Variants in EIF3A observed in about 807,000 individuals in gnomAD.
The protein encoded by EIF3A is EIF3, p180 subunit.
Under a neutral mutation model 186.6 loss-of-function variants are expected in EIF3A, and 21 were observed. The observed-to-expected ratio is 0.11, with a 90% confidence interval of 0.08 to 0.16. The LOEUF is 0.16. Among genes scored for constraint, EIF3A ranks in the 10% least tolerant of loss-of-function variants. The pLI is 1.00. For missense variants in EIF3A, 1,306 were observed against 1,796.3 expected, an observed-to-expected ratio of 0.73 and a Z score of 4.93; for synonymous variants, 563 against 584.3, an observed-to-expected ratio of 0.96 and a Z score of 0.52.
intron 4 of EIF3A, among the ~76,000 whole-genome samples, chr10:119,071,869 C>T: frequency 6.6e-6 from 1 of 151,082 alleles, no homozygotes; most frequent in East Asian, 2.0e-4. Context: ...ACTAAAAATA[C>T]AAAAAATTAG....
intron 7 of EIF3A, among the ~76,000 whole-genome samples, chr10:119,063,836 A>C (rs1167276060): frequency 6.6e-6 from 1 of 152,218 alleles, no homozygotes; most frequent in Non-Finnish European, 1.5e-5. Flanking sequence ...TAATCCCAGC[A>C]CTTAGGGAAG....
Position 119,036,028 on chromosome 10 carries a change from T to C in EIF3A, c.*11A>G, listed in dbSNP as rs1564747071. 2 of 1,600,560 alleles carry C rather than the reference T, an allele frequency of 1.2e-6. No homozygotes were observed. The highest frequency in any genetic ancestry group is 1.7e-6 in the Non-Finnish European group (2 of 1,167,648). On this transcript the variant is annotated 3_prime_UTR_variant, in exon 22 of 22. Transcript: ENST00000369144. ...ATTTAAGACACCAGTTTAAATCCAT[T>C]ATCTTGAGACTTAACGTCGTACTGT...
At chr10:119,054,435 C>T (rs777359219) in intron 14 of EIF3A, among the ~76,000 whole-genome samples, 1 of 151,836 alleles carries the variant, frequency 6.6e-6, no homozygotes, top group African/African-American at 2.4e-5. Context: ...CTCTTCCGGG[C>T]CAGGCACGGT....
At chr10:119,069,860 A>G (rs1452920735) in intron 5 of EIF3A, among the ~76,000 whole-genome samples, 3 of 152,242 alleles carry the variant, frequency 2.0e-5, no homozygotes, top group Non-Finnish European at 4.4e-5. Context: ...AAAGTTCTTT[A>G]GGAAATAATG....
At chr10:119,066,505 C>CAAAAAA (rs71016533) in intron 6 of EIF3A, among the ~76,000 whole-genome samples, 6 of 47,498 alleles carry the variant, frequency 1.3e-4, no homozygotes, top group African/African-American at 6.0e-4. Context: ...TTAAGACTGT[C>CAAAAAA]AAAAAAAAAA....
In EIF3A at chr10:119,070,925, A is replaced by T; in HGVS notation, c.702T>A (p.Leu234=). Residue 234 remains leucine (L), a synonymous_variant, in exon 5 of 22, where the codon CTT becomes CTA. Coordinates refer to ENST00000369144, the MANE Select transcript of EIF3A (RefSeq NM_003750.4). ...ESQSMHLETR[L]VQLDSAISME... is the part of the protein sequence containing the mutation. ...TGCTGATAGCACTGTCCAGCTGAAC[A>T]AGTCTGGTTTCCAAATGCATGGACT... 6.2e-7 allele frequency: 1 copy of T among 1,614,050 alleles called. No individual in the cohort carries two copies. Among genetic ancestry groups the T allele is most frequent in the Non-Finnish European group, 8.5e-7 (1 of 1,179,884 alleles).
intron 1 of EIF3A, among the ~76,000 whole-genome samples, chr10:119,076,559 T>C (rs535640221): frequency 1.6e-3 from 239 of 149,556 alleles, no homozygotes; most frequent in Non-Finnish European, 2.9e-3. Flanking sequence ...AAGCCTTTCC[T>C]TGTTGTCAGG....
chr10:119,062,026 G>A (rs1843896291), intron 7 of EIF3A, among the ~76,000 whole-genome samples: 1 of 152,124 alleles, frequency 6.6e-6, no homozygotes, highest in Non-Finnish European at 1.5e-5. Flanking sequence ...AGCAAGGAGG[G>A]CACCCACACA....
At chr10:119,063,588 T>G (rs1254946065) in intron 7 of EIF3A, among the ~76,000 whole-genome samples, 2 of 152,198 alleles carry the variant, frequency 1.3e-5, no homozygotes, top group Non-Finnish European at 2.9e-5. Flanking sequence ...TACAGCCAAG[T>G]ACTTATCCCT....
Position 119,077,466 on chromosome 10 carries a change from T to C in EIF3A, c.49+3162A>G, listed in dbSNP as rs150762664. On this transcript the variant is annotated intron_variant, in intron 1 of 21. Transcript: ENST00000369144. ...ATTCTGTCTCAAATAAATAAATAAA[T>C]AGTTGGAATGGGAACAGATTTTTCA... Among the ~76,000 whole-genome samples the C allele has an allele frequency of 4.7e-3, 720 of 151,828 alleles. 6 individuals are homozygous for C. The highest frequency in any genetic ancestry group is 0.016 in the African/African-American group (675 of 41,402).
In EIF3A at chr10:119,037,006, ACT is replaced by A. The variant is rs974939026; in HGVS notation, c.3919+111_3919+112del. 5 of 741,298 alleles carry A rather than the reference ACT, an allele frequency of 6.7e-6. No individual in the cohort carries two copies. In the Admixed American group the frequency reaches 6.8e-5, roughly 10 times the overall value. The allele number at this position is 741,298 out of a possible 1,614,324, so 45.9% of individuals were successfully genotyped here. On this transcript the variant is annotated intron_variant, in intron 21 of 21. Transcript: ENST00000369144. ...ATCATGAATTCTAAATAGAATATCA[ACT>A]CTCTTATTGTTGGCCTTCATACAAA...
intron 4 of EIF3A, 90 bp from the exon 5 acceptor site, chr10:119,071,175 G>T: frequency 1.1e-6 from 1 of 922,864 alleles, no homozygotes; most frequent in Non-Finnish European, 1.7e-6. Context: ...AAGATCAGTT[G>T]TTTTAACAGG....
Position 119,060,184 on chromosome 10 carries a change from CA to C in EIF3A, c.1327-467del, listed in dbSNP as rs573998777. ...AATAAAACGCCCTCCTTCCCAAATGCAACAAATGGAAAACAAAATGGGAGCA... is the reference window on the plus strand; with the variant it reads ...AATAAAACGCCCTCCTTCCCAAATGCACAAATGGAAAACAAAATGGGAGCA... On this transcript the variant is annotated intron_variant, in intron 9 of 21. Coordinates refer to ENST00000369144, the MANE Select transcript of EIF3A (RefSeq NM_003750.4). 427 of 494,154 alleles carry C rather than the reference CA, an allele frequency of 8.6e-4. 2 individuals carry two copies. Among genetic ancestry groups the C allele is most frequent in the African/African-American group, 7.6e-3 (381 of 49,910 alleles). The allele number at this position is 494,154 out of a possible 1,614,324, so 30.6% of individuals were successfully genotyped here.
chr10:119,079,886 T>G (rs556327258), intron 1 of EIF3A, among the ~76,000 whole-genome samples: 1 of 152,222 alleles, frequency 6.6e-6, no homozygotes, highest in Non-Finnish European at 1.5e-5. Context: ...TTTCGTTATC[T>G]TTAAGAGGCG....
chr10:119,036,262 G>T lies in EIF3A; in HGVS notation c.3926C>A (p.Ser1309Tyr), dbSNP rs1345089132. ...PLRSEREEVSSWRRADDRKDD... is the reference protein window; with the variant it reads ...PLRSEREEVSYWRRADDRKDD... ...TTTCCTGTCATCAGCACGTCTCCAA[G>T]AACTTACTAAAAAGTTTAATTAAAA... The change falls in exon 22 of 22, where the codon TCT becomes TAT. Residue 1309 changes from serine to tyrosine, a missense_variant. Transcript: ENST00000369144. 3 of 1,601,676 alleles carry T rather than the reference G, an allele frequency of 1.9e-6. No homozygotes were observed. Among genetic ancestry groups the T allele is most frequent in the Non-Finnish European group, 2.6e-6 (3 of 1,175,966 alleles).
intron 5 of EIF3A, 38 bp from the exon 6 acceptor site, chr10:119,069,692 A>G (rs552407164): frequency 9.9e-6 from 10 of 1,009,562 alleles, no homozygotes; most frequent in Middle Eastern, 2.1e-4. Flanking sequence ...ATTGCATTCT[A>G]TAACACGAAA....
intron 17 of EIF3A, 85 bp from the exon 18 acceptor site, chr10:119,044,227 G>GTACT: frequency 1.1e-6 from 1 of 934,416 alleles, no homozygotes; most frequent in Non-Finnish European, 1.7e-6. Context: ...AATATTTTTT[G>GTACT]TACTTATAAC....
Position 119,038,338 on chromosome 10 carries a change from C to G in EIF3A, c.3628G>C (p.Asp1210His), listed in dbSNP as rs904784348. 1 of 1,614,098 alleles carries G rather than the reference C, an allele frequency of 6.2e-7. No homozygotes were observed. Among genetic ancestry groups the G allele is most frequent in the African/African-American group, 1.3e-5 (1 of 75,032 alleles). ...EREWDREKERDRDNQDREEND... is the reference protein window; with the variant it reads ...EREWDREKERHRDNQDREEND... ...TCCTCCCGATCTTGATTATCTCTGT[C>G]CCTTTCTTTTTCTCTGTCCCATTCA... The change falls in exon 20 of 22, where the codon GAC becomes CAC. Residue 1210 changes from aspartate to histidine, a missense_variant. Physicochemically the swap from Asp to His is moderately conservative, Grantham distance 81. Around this residue, in one of 8 missense-constraint regions of EIF3A, gnomAD observed 331 missense variants for 365.8 expected, o/e 0.90. Transcript: ENST00000369144.
chr10:119,058,899 ATAACT>A lies in EIF3A; in HGVS notation c.1629+308_1629+312del, dbSNP rs149597333. The stretch of plus-strand genomic sequence containing the variant: ...CCATCTCAAAAAAGAAAAAAAAGAA[ATAACT>A]TAAGCAGGAGGGAAAAATCCAGTCA... On this transcript the variant is annotated intron_variant, in intron 11 of 21. Transcript: ENST00000369144. Among the ~76,000 whole-genome samples the A allele has an allele frequency of 3.1e-3, 478 of 152,296 alleles. 14 individuals carry two copies. In the East Asian group the frequency reaches 0.065, roughly 21 times the overall value.
Sources: allele counts gnomAD v4.1 joint callset (sites outside exome capture counted in the v4.1 genomes callset), GRCh38; gene constraint gnomAD v4.1.1; regional missense constraint gnomAD v4.1.1; transcripts MANE v1.5; gene names NCBI Gene and HGNC (gene_info 2026-07-23, HGNC 2026-07-21).